Variants in FAM83B observed in about 807,000 individuals in gnomAD.
The protein encoded by FAM83B is scaffolding CK1 anchoring protein B.
A neutral mutation model predicts 38.8 loss-of-function variants in FAM83B; 26 were observed. That is an observed-to-expected ratio of 0.67 (90% CI 0.49 to 0.93). FAM83B has a LOEUF of 0.93. FAM83B is among the 40% of genes least tolerant of loss of function. FAM83B has a pLI of 0.00. For missense variants in FAM83B, 1,237 were observed against 1,197.3 expected, an observed-to-expected ratio of 1.03 and a Z score of -0.49; for synonymous variants, 419 against 423.1, an observed-to-expected ratio of 0.99 and a Z score of 0.12.
At chr6:54,880,935 A>T (rs988367623) in intron 2 of FAM83B, among the ~76,000 whole-genome samples, 4 of 152,184 alleles carry the variant, frequency 2.6e-5, no homozygotes, top group Non-Finnish European at 5.9e-5. Context: ...ATGTGTTTTG[A>T]TATCTTATAT....
intron 1 of FAM83B, among the ~76,000 whole-genome samples, chr6:54,855,215 G>A (rs1163970567): frequency 6.6e-6 from 1 of 152,168 alleles, no homozygotes; most frequent in Non-Finnish European, 1.5e-5. Context: ...GAAATACTTA[G>A]TAATTGATGG....
At chr6:54,922,173 A>G (rs768303979) in intron 2 of FAM83B, among the ~76,000 whole-genome samples, 3 of 152,074 alleles carry the variant, frequency 2.0e-5, no homozygotes, top group Non-Finnish European at 4.4e-5. Context: ...TACTTTTTGC[A>G]AACAAAATCC....
intron 1 of FAM83B, among the ~76,000 whole-genome samples, chr6:54,861,742 T>G (rs1387140854): frequency 6.6e-6 from 1 of 152,100 alleles, no homozygotes; most frequent in East Asian, 1.9e-4. Context: ...GTTCTCACTG[T>G]CCGATAATGA....
chr6:54,911,612 TAA>T (rs1343979409), intron 2 of FAM83B, among the ~76,000 whole-genome samples: 1 of 152,120 alleles, frequency 6.6e-6, no homozygotes. Context: ...AGGTCAGTAA[TAA>T]TAGCTTAAGG....
At chr6:54,887,856 T>G (rs1230915293) in intron 2 of FAM83B, among the ~76,000 whole-genome samples, 1 of 151,862 alleles carries the variant, frequency 6.6e-6, no homozygotes, top group African/African-American at 2.4e-5. Context: ...ATGTTCAACT[T>G]TTCTCTGTAT....
intron 4 of FAM83B, among the ~76,000 whole-genome samples, chr6:54,938,661 A>G (rs936453814): frequency 1.3e-5 from 2 of 152,058 alleles, no homozygotes; most frequent in African/African-American, 4.8e-5. Context: ...GGTCATTTGT[A>G]TATTTTCTAT....
intron 1 of FAM83B, among the ~76,000 whole-genome samples, chr6:54,861,417 GA>G (rs1274445322): frequency 6.6e-6 from 1 of 152,062 alleles, no homozygotes; most frequent in Non-Finnish European, 1.5e-5. Context: ...ATTAGCCAGG[GA>G]TGGTGGGGCG....
At chr6:54,931,679 T>C (rs1231176404) in intron 4 of FAM83B, among the ~76,000 whole-genome samples, 1 of 152,106 alleles carries the variant, frequency 6.6e-6, no homozygotes, top group Non-Finnish European at 1.5e-5. Context: ...TACTTTTAGC[T>C]TATGTATGTC....
chr6:54,873,643 T>C (rs1471022845), intron 2 of FAM83B, among the ~76,000 whole-genome samples: 3 of 141,448 alleles, frequency 2.1e-5, no homozygotes, highest in South Asian at 4.3e-4. Flanking sequence ...AGGGATGATC[T>C]TTTTTTTTCA....
intron 2 of FAM83B, among the ~76,000 whole-genome samples, chr6:54,882,009 C>T (rs985450474): frequency 2.0e-5 from 3 of 152,166 alleles, no homozygotes; most frequent in African/African-American, 4.8e-5. Context: ...TGAGAACATG[C>T]GGTGTCTGGT....
intron 1 of FAM83B, among the ~76,000 whole-genome samples, chr6:54,859,644 A>C (rs1358735396): frequency 6.6e-6 from 1 of 152,188 alleles, no homozygotes; most frequent in Admixed American, 6.5e-5. Context: ...TGACTGTTGT[A>C]CTAGCCCCCG....
intron 4 of FAM83B, among the ~76,000 whole-genome samples, chr6:54,929,105 T>G (rs1773370427): frequency 1.3e-5 from 2 of 152,194 alleles, no homozygotes; most frequent in African/African-American, 4.8e-5. Flanking sequence ...TATCTCAAGT[T>G]CATTTTAAAT....
intron 2 of FAM83B, among the ~76,000 whole-genome samples, chr6:54,901,190 C>A (rs1216153701): frequency 1.3e-5 from 2 of 152,146 alleles, no homozygotes; most frequent in Non-Finnish European, 2.9e-5. Flanking sequence ...ATTGATCCTT[C>A]TTTTCAGGCT....
At chr6:54,871,596 A>C (rs1206257929) in intron 2 of FAM83B, among the ~76,000 whole-genome samples, 4 of 143,646 alleles carry the variant, frequency 2.8e-5, no homozygotes, top group South Asian at 4.5e-4. Context: ...AATAATAATA[A>C]GCCGGATGTG....
At position 54,941,232 on chromosome 6, in the gene FAM83B, AAC is replaced by A. The variant is rs1478631120; in HGVS notation, c.2262_2263del (p.Glu754AspfsTer8). 2.5e-6 allele frequency: 4 copies of A among 1,613,336 alleles called. No individual in the cohort carries two copies. Among genetic ancestry groups the A allele is most frequent in the Non-Finnish European group, 3.4e-6 (4 of 1,179,850 alleles). On this transcript the variant is annotated frameshift_variant, in exon 5 of 5. Transcript: ENST00000306858. LOFTEE classifies it high-confidence loss of function. ...GTGAATAAAGAGGAATCTAACAAAG[AAC>A]TTGCTTCAAAGAAGGAAGTTAAGGG...
chr6:54,876,578 C>T (rs1182708602), intron 2 of FAM83B, among the ~76,000 whole-genome samples: 1 of 151,846 alleles, frequency 6.6e-6, no homozygotes, highest in African/African-American at 2.4e-5. Flanking sequence ...CTCAGCCTCT[C>T]AAATTGCTCG....
chr6:54,935,934 C>T (rs2062780), intron 4 of FAM83B, among the ~76,000 whole-genome samples: 8,253 of 151,904 alleles, frequency 0.054, 755 homozygotes, highest in African/African-American at 0.19. Flanking sequence ...AGGAATAGGT[C>T]GGGGAAGGAG....
At chr6:54,856,182 GC>G (rs1214082282) in intron 1 of FAM83B, among the ~76,000 whole-genome samples, 1 of 152,134 alleles carries the variant, frequency 6.6e-6, no homozygotes, top group Non-Finnish European at 1.5e-5. Context: ...AGTGGAAAAA[GC>G]AAGATTTACT....
rs145818322 is a variant in FAM83B, at chr6:54,867,274, T to C, written c.-60-2913T>C. On this transcript the variant is annotated intron_variant, in intron 1 of 4. Transcript: ENST00000306858. ...GGATTGAACTGCTGAGAGTGCTTTATTAAGTCTATAATTAAATACAGGTGA... is the reference window on the plus strand; with the variant it reads ...GGATTGAACTGCTGAGAGTGCTTTACTAAGTCTATAATTAAATACAGGTGA... 6.6e-3 allele frequency among the ~76,000 whole-genome samples: 998 copies of C among 152,094 alleles called. 11 individuals are homozygous for C. Among genetic ancestry groups the C allele is most frequent in the African/African-American group, 0.023 (967 of 41,562 alleles).
Sources: allele counts gnomAD v4.1 joint callset (sites outside exome capture counted in the v4.1 genomes callset), GRCh38; gene constraint gnomAD v4.1.1; transcripts MANE v1.5; gene names NCBI Gene and HGNC (gene_info 2026-07-23, HGNC 2026-07-21).